Variants in GPSM2 observed in about 807,000 individuals in gnomAD.
The protein encoded by GPSM2 is G protein signaling modulator 2.
In GPSM2, 58 loss-of-function variants were observed where a neutral mutation model predicts 78.4. That is an observed-to-expected ratio of 0.74 (90% CI 0.60 to 0.92). The LOEUF is 0.92. GPSM2 is among the 40% of genes least tolerant of loss of function. The pLI, the probability that GPSM2 is intolerant of heterozygous loss-of-function variation, is 0.00. For missense variants in GPSM2, 700 were observed against 815.5 expected (o/e 0.86, Z 1.73); for synonymous variants, 224 against 280.2 (o/e 0.80, Z 2.00).
rs778165534 is a variant in GPSM2, at chr1:108,918,760, A to G, written c.1411A>G (p.Ile471Val). 9.3e-6 allele frequency: 15 copies of G among 1,613,562 alleles called. No homozygotes were observed. Among genetic ancestry groups the G allele is most frequent in the African/African-American group, 4.0e-5 (3 of 74,916 alleles). ...AGTTCTCCAAGATGCCAGTAATTCT[A>G]TTGACCACCGAATTCCAAATTCTCA... ...TKVLQDASNS[I>V]DHRIPNSQRK... The change falls in exon 12 of 15, where the codon ATT (isoleucine) becomes GTT (valine). Residue 471 changes from isoleucine (I) to valine (V), a missense_variant. Ile to Val is a conservative substitution (Grantham distance 29). Coordinates refer to ENST00000264126, the MANE Select transcript of GPSM2 (RefSeq NM_013296.5).
intron 1 of GPSM2, among the ~76,000 whole-genome samples, chr1:108,882,973 C>T (rs966010546): frequency 2.0e-5 from 3 of 152,028 alleles, no homozygotes; most frequent in Non-Finnish European, 4.4e-5. Flanking sequence ...GAGGTTGAAG[C>T]GAGAGGATCA....
At chr1:108,901,616 C>T (rs1321135635) in intron 7 of GPSM2, among the ~76,000 whole-genome samples, 174 bp from the exon 8 acceptor site, 1 of 152,154 alleles carries the variant, frequency 6.6e-6, no homozygotes, top group Non-Finnish European at 1.5e-5. Context: ...GTTTCAAAAA[C>T]GTCTTTTCAT....
chr1:108,902,473 C>T (rs753835624), intron 8 of GPSM2, among the ~76,000 whole-genome samples: 1 of 151,982 alleles, frequency 6.6e-6, no homozygotes, highest in Non-Finnish European at 1.5e-5. Flanking sequence ...GCAACTGCTA[C>T]CCAACTCCAA....
In GPSM2 at chr1:108,877,106, G is replaced by A. The variant is rs1214015937; in HGVS notation, c.-371G>A. ...ACGTGACCTGCCGGGGGCGGGAGCAGGGGGCGCGCCGGCCTCCTGCGGTGC... is the reference window on the plus strand; with the variant it reads ...ACGTGACCTGCCGGGGGCGGGAGCAAGGGGCGCGCCGGCCTCCTGCGGTGC... On this transcript the variant is annotated 5_prime_UTR_variant, in exon 1 of 15. Coordinates refer to ENST00000264126, the MANE Select transcript of GPSM2 (RefSeq NM_013296.5). 1 of 152,220 alleles carries A rather than the reference G, an allele frequency of 6.6e-6. No individual in the cohort carries two copies. The highest frequency in any genetic ancestry group is 6.5e-5 in the Admixed American group (1 of 15,286). The allele number at this position is 152,220 out of a possible 1,614,324, so 9.4% of individuals were successfully genotyped here.
chr1:108,895,636 G>C (rs1256479672), intron 2 of GPSM2, among the ~76,000 whole-genome samples: 3 of 152,080 alleles, frequency 2.0e-5, no homozygotes, highest in African/African-American at 7.2e-5. Context: ...AGAGTTTAAT[G>C]CCTGATGATC....
chr1:108,915,090 C>T (rs1283431978), intron 11 of GPSM2, among the ~76,000 whole-genome samples: 2 of 151,948 alleles, frequency 1.3e-5, no homozygotes, highest in Admixed American at 6.6e-5. Context: ...AATAGGCTCT[C>T]GGCCGGGCAC....
Position 108,885,325 on chromosome 1 carries a change from T to A in GPSM2, c.-198T>A. 1 of 479,764 alleles carries A rather than the reference T, an allele frequency of 2.1e-6. No homozygotes were observed. The highest frequency in any genetic ancestry group is 3.7e-6 in the Non-Finnish European group (1 of 271,398). The allele number at this position is 479,764 out of a possible 1,614,324, so 29.7% of individuals were successfully genotyped here. A position where few individuals can be genotyped will look rare whatever the true frequency, so the allele number is the denominator to read the frequency against. On this transcript the variant is annotated 5_prime_UTR_variant, in exon 2 of 15. Transcript: ENST00000264126. The stretch of plus-strand genomic sequence containing the variant: ...GGGCCAGAGATGCAAGGATTTGGGA[T>A]ACATTTTGAACCTTTAAGCTGTCTG...
At chr1:108,908,568 G>A (rs968823632) in intron 10 of GPSM2, among the ~76,000 whole-genome samples, 4 of 151,530 alleles carry the variant, frequency 2.6e-5, no homozygotes, top group African/African-American at 4.9e-5. Context: ...CCAGCTACTC[G>A]GGAGGCTGAG....
At chr1:108,907,330 A>T (rs149091171) in intron 10 of GPSM2, among the ~76,000 whole-genome samples, 1 of 152,350 alleles carries the variant, frequency 6.6e-6, no homozygotes, top group African/African-American at 2.4e-5. Flanking sequence ...TGCACAGTCT[A>T]AGAAACCCTA....
At chr1:108,928,507 T>C (rs532513123) in intron 14 of GPSM2, among the ~76,000 whole-genome samples, 21 of 152,346 alleles carry the variant, frequency 1.4e-4, no homozygotes, top group African/African-American at 4.6e-4. Flanking sequence ...CTCTGAGGGT[T>C]GTGGGCTTAA....
In GPSM2 at chr1:108,918,665, A is replaced by G. The variant is rs1650460185; in HGVS notation, c.1316A>G (p.Lys439Arg). 1 of 1,613,564 alleles carries G rather than the reference A, an allele frequency of 6.2e-7. No homozygotes were observed. ...GCTAAGCAAAAACCTCTTATTGCCAAACCTTCTGCAAAGCTACTCTTTGTC... is the reference window on the plus strand; with the variant it reads ...GCTAAGCAAAAACCTCTTATTGCCAGACCTTCTGCAAAGCTACTCTTTGTC... ...ILAKQKPLIAKPSAKLLFVNR... is the reference protein window; with the variant it reads ...ILAKQKPLIARPSAKLLFVNR... The change falls in exon 12 of 15, where the codon AAA (lysine) becomes AGA (arginine). Residue 439 changes from lysine (K) to arginine (R), a missense_variant. Physicochemically the swap from Lys to Arg is conservative, Grantham distance 26 (BLOSUM62 2). Coordinates refer to ENST00000264126, the MANE Select transcript of GPSM2 (RefSeq NM_013296.5).
chr1:108,878,418 AT>A (rs1178344698), intron 1 of GPSM2, among the ~76,000 whole-genome samples: 2 of 152,152 alleles, frequency 1.3e-5, no homozygotes, highest in Non-Finnish European at 2.9e-5. Flanking sequence ...TTGTAGAGGC[AT>A]GTCTCCAAAA....
chr1:108,883,763 C>T (rs1178927718), intron 1 of GPSM2, among the ~76,000 whole-genome samples: 3 of 151,948 alleles, frequency 2.0e-5, no homozygotes, highest in African/African-American at 7.2e-5. Context: ...CTTTATTCCT[C>T]TCTTTTTCTT....
At chr1:108,898,145 C>T (rs762657164) in intron 5 of GPSM2, 44 bp downstream of exon 5, 22 of 1,579,760 alleles carry the variant, frequency 1.4e-5, no homozygotes, top group Non-Finnish European at 1.8e-5. Flanking sequence ...CCCATCTAAG[C>T]CGTGGATCTG....
At position 108,933,819 on chromosome 1, in the gene GPSM2, C is replaced by T. The variant is rs1222675887; in HGVS notation, c.*3879C>T. The T allele has an allele frequency of 6.6e-6, 1 of 152,190 alleles. No homozygotes were observed. Among genetic ancestry groups the T allele is most frequent in the African/African-American group, 2.4e-5 (1 of 41,438 alleles). The allele number at this position is 152,190 out of a possible 1,614,324, so 9.4% of individuals were successfully genotyped here. On this transcript the variant is annotated 3_prime_UTR_variant, in exon 15 of 15. Coordinates refer to ENST00000264126, the MANE Select transcript of GPSM2 (RefSeq NM_013296.5). The stretch of plus-strand genomic sequence containing the variant: ...CTCTCTTCTTCCTCATCATGGTATT[C>T]TCTATGTATAGATCTCTAAAAATGC...
At chr1:108,905,383 A>G (rs951138071) in intron 10 of GPSM2, among the ~76,000 whole-genome samples, 5 of 152,194 alleles carry the variant, frequency 3.3e-5, no homozygotes, top group African/African-American at 1.2e-4. Context: ...TTCTCTCTTC[A>G]ACCCATTCCC....
intron 12 of GPSM2, among the ~76,000 whole-genome samples, chr1:108,921,815 T>C (rs780112948): frequency 3.3e-5 from 5 of 152,210 alleles, no homozygotes; most frequent in Non-Finnish European, 7.3e-5. Context: ...CTCAGGCCCG[T>C]AACATTTTTG....
chr1:108,909,929 G>GAAAAAAA (rs1649581473), intron 10 of GPSM2: 1 of 133,994 alleles, frequency 7.5e-6, no homozygotes, highest in Non-Finnish European at 1.6e-5. Flanking sequence ...AAAAAAAAAG[G>GAAAAAAA]AAAAAGGCTG....
At chr1:108,923,901 A>G (rs1251391900) in intron 13 of GPSM2, 99 bp from the exon 14 acceptor site, 2 of 856,132 alleles carry the variant, frequency 2.3e-6, no homozygotes, top group Non-Finnish European at 4.0e-6. Flanking sequence ...GGGACTGGCA[A>G]GGCCGAAAAG....
Sources: allele counts gnomAD v4.1 joint callset (sites outside exome capture counted in the v4.1 genomes callset), GRCh38; gene constraint gnomAD v4.1.1; transcripts MANE v1.5; gene names NCBI Gene and HGNC (gene_info 2026-07-23, HGNC 2026-07-21).